The following NREP variants were observed in gnomAD, a reference collection of about 807,000 sequenced individuals.
NREP encodes the protein neuronal regeneration related protein, also known as neuronal regeneration-related protein.
Under a neutral mutation model 8.6 loss-of-function variants are expected in NREP, and 5 were observed. That is an observed-to-expected ratio of 0.58 (90% CI 0.30 to 1.22). NREP has a LOEUF of 1.22. Among genes scored for constraint, NREP ranks in the 50% most tolerant of loss-of-function variants. The pLI is 0.07. For synonymous variants in NREP, 27 were observed against 28.0 expected (o/e 0.96, Z 0.11); for missense variants, 86 against 82.5 (o/e 1.04, Z -0.17).
intron 2 of NREP, among the ~76,000 whole-genome samples, chr5:111,909,668 T>G (rs1754862451): frequency 6.6e-6 from 1 of 152,094 alleles, no homozygotes; most frequent in Admixed American, 6.6e-5. Context: ...ACGATTTTTA[T>G]GTGAATTTCC....
At chr5:111,851,870 T>C (rs1461032011) in intron 2 of NREP, among the ~76,000 whole-genome samples, 3 of 152,182 alleles carry the variant, frequency 2.0e-5, no homozygotes, top group African/African-American at 7.2e-5. Context: ...CACCATGTTG[T>C]ACATGATAAG....
intron 2 of NREP, among the ~76,000 whole-genome samples, chr5:111,957,704 TATACAC>T (rs1756364033): frequency 6.6e-6 from 1 of 150,924 alleles, no homozygotes; most frequent in Non-Finnish European, 1.5e-5. Context: ...TGTATATATA[TATACAC>T]ACACACACAC....
intron 2 of NREP, among the ~76,000 whole-genome samples, chr5:111,956,828 G>C (rs1756334090): frequency 6.6e-6 from 1 of 152,042 alleles, no homozygotes; most frequent in South Asian, 2.1e-4. Context: ...GCCAGGCGTG[G>C]TGGTGTATGC....
At chr5:111,973,670 C>G (rs1756884346) in intron 2 of NREP, among the ~76,000 whole-genome samples, 1 of 152,192 alleles carries the variant, frequency 6.6e-6, no homozygotes, top group African/African-American at 2.4e-5. Flanking sequence ...CATTCCAGCT[C>G]AAGCTTATGA....
At chr5:111,865,191 G>T (rs1463092558) in intron 2 of NREP, among the ~76,000 whole-genome samples, 1 of 152,080 alleles carries the variant, frequency 6.6e-6, no homozygotes, top group African/African-American at 2.4e-5. Context: ...AGTATAAGAT[G>T]CAGAGAGGTG....
chr5:111,894,951 A>C lies in NREP; in HGVS notation c.135+80323T>G, dbSNP rs1494591. Among the ~76,000 whole-genome samples the C allele has an allele frequency of 5.8e-3, 877 of 152,352 alleles. 11 individuals carry two copies. Among genetic ancestry groups the C allele is most frequent in the African/African-American group, 0.02 (831 of 41,586 alleles). On this transcript the variant is annotated intron_variant, in intron 2 of 3. Coordinates refer to the NREP transcript ENST00000395634. ...ATCAGAGAACTTATCTGAAGTACAG[A>C]ATGTCTAGGCAAATAGTCTGTTTAG...
At chr5:111,764,568 C>T (rs1751037775) in intron 2 of NREP, among the ~76,000 whole-genome samples, 1 of 152,072 alleles carries the variant, frequency 6.6e-6, no homozygotes. Context: ...GAAATACTTG[C>T]CCCCATGATT....
chr5:111,750,567 C>A (rs1256578913), intron 2 of NREP, among the ~76,000 whole-genome samples: 1 of 152,174 alleles, frequency 6.6e-6, no homozygotes, highest in Non-Finnish European at 1.5e-5. Context: ...TAATTTCTAC[C>A]TTCTTAATAT....
At chr5:111,811,517 C>T (rs765246182) in intron 2 of NREP, among the ~76,000 whole-genome samples, 1 of 152,144 alleles carries the variant, frequency 6.6e-6, no homozygotes, top group Non-Finnish European at 1.5e-5. Context: ...ATAACACCTC[C>T]TGCAAGGTAC....
intron 1 of NREP, among the ~76,000 whole-genome samples, chr5:111,975,932 T>C (rs1366643194): frequency 1.3e-5 from 2 of 152,190 alleles, no homozygotes. Context: ...TATCCACATT[T>C]CTTCCTCCTG....
intron 2 of NREP, among the ~76,000 whole-genome samples, chr5:111,964,302 G>A (rs1461037363): frequency 6.6e-6 from 1 of 152,104 alleles, no homozygotes; most frequent in East Asian, 1.9e-4. Flanking sequence ...TCATGTCATT[G>A]CTGTATAATA....
intron 2 of NREP, among the ~76,000 whole-genome samples, chr5:111,942,797 C>G (rs993772097): frequency 6.6e-6 from 1 of 151,990 alleles, no homozygotes; most frequent in Non-Finnish European, 1.5e-5. Flanking sequence ...GTCAGAATGC[C>G]TGAGGTCAAA....
chr5:111,820,083 C>T (rs1428727857), intron 2 of NREP, among the ~76,000 whole-genome samples: 2 of 151,980 alleles, frequency 1.3e-5, no homozygotes, highest in Non-Finnish European at 2.9e-5. Flanking sequence ...CTCCATAGCT[C>T]ACATTTAACA....
chr5:111,772,636 C>T (rs1751258041), intron 2 of NREP, among the ~76,000 whole-genome samples: 1 of 151,718 alleles, frequency 6.6e-6, no homozygotes, highest in Non-Finnish European at 1.5e-5. Flanking sequence ...CTCATTCAGC[C>T]CCTCCCCCGA....
At chr5:111,842,647 A>C (rs1753059303) in intron 2 of NREP, among the ~76,000 whole-genome samples, 2 of 152,114 alleles carry the variant, frequency 1.3e-5, no homozygotes, top group Admixed American at 6.6e-5. Context: ...GAGTGTTTTA[A>C]ATTTGACTAT....
intron 2 of NREP, among the ~76,000 whole-genome samples, chr5:111,940,501 C>T (rs1490799393): frequency 6.6e-6 from 1 of 152,058 alleles, no homozygotes; most frequent in Admixed American, 6.6e-5. Flanking sequence ...TCAGTAGACA[C>T]ATATCTCCCA....
chr5:111,957,115 T>C (rs1756346771), intron 2 of NREP, among the ~76,000 whole-genome samples: 1 of 149,618 alleles, frequency 6.7e-6, no homozygotes, highest in Non-Finnish European at 1.5e-5. Context: ...TAAATAACAA[T>C]TGCGAGGGAG....
At chr5:111,871,190 C>G (rs963512808) in intron 2 of NREP, among the ~76,000 whole-genome samples, 1 of 151,932 alleles carries the variant, frequency 6.6e-6, no homozygotes, top group African/African-American at 2.4e-5. Flanking sequence ...TAGTATATAG[C>G]CCACTACCCA....
Position 111,946,210 on chromosome 5 carries a change from T to G in NREP, c.135+29064A>C, listed in dbSNP as rs535975451. On this transcript the variant is annotated intron_variant, in intron 2 of 3. Transcript: ENST00000395634. ...AGATTTTGTCAAGTTAATTCAATTTTATTTTTGCTTTAGTTTCTTTCTAAA... is the reference window on the plus strand; with the variant it reads ...AGATTTTGTCAAGTTAATTCAATTTGATTTTTGCTTTAGTTTCTTTCTAAA... Among the ~76,000 whole-genome samples the G allele has an allele frequency of 1.2e-4, 18 of 151,782 alleles. No homozygotes were observed. In the South Asian group the frequency reaches 3.5e-3, roughly 30 times the overall value.
Sources: allele counts gnomAD v4.1 joint callset (sites outside exome capture counted in the v4.1 genomes callset), GRCh38; gene constraint gnomAD v4.1.1; transcripts MANE v1.5; gene names NCBI Gene and HGNC (gene_info 2026-07-23, HGNC 2026-07-21).